TPI1: variants seen among roughly 807,000 people sequenced by gnomAD.
TPI1 encodes the protein triosephosphate isomerase.
Under a neutral mutation model 31.0 loss-of-function variants are expected in TPI1, and 11 were observed. The observed-to-expected ratio is 0.36, with a 90% CI of 0.22 to 0.59. The LOEUF is 0.59. Ranked by LOEUF, TPI1 falls within the 20% of genes least tolerant of loss-of-function variation. TPI1 has a pLI of 0.79. For missense variants in TPI1, 245 were observed against 319.7 expected, an observed-to-expected ratio of 0.77 and a Z score of 1.78; for synonymous variants, 121 against 122.8, an observed-to-expected ratio of 0.99 and a Z score of 0.10.
In TPI1 at chr12:6,869,303, G is replaced by A. The variant is rs782167291; in HGVS notation, c.370G>A (p.Val124Ile). ...VAHALAEGLGVIACIGEKLDE... is the reference protein window; with the variant it reads ...VAHALAEGLGIIACIGEKLDE... ...CCATGCTCTGGCAGAGGGACTCGGA[G>A]TAATCGCCTGCATTGGGGAGAAGCT... The change falls in exon 4 of 7, where the codon GTA (valine) becomes ATA (isoleucine). Residue 124 changes from valine to isoleucine, a missense_variant. Transcript: ENST00000396705. 7 of 1,614,086 alleles carry A rather than the reference G, an allele frequency of 4.3e-6. No individual in the cohort carries two copies. The East Asian group carries it at 1.6e-4, about 36-fold the overall frequency.
Position 6,869,355 on chromosome 12 carries a change from A to G in TPI1, c.422A>G (p.Glu141Gly). 3.1e-6 allele frequency: 5 copies of G among 1,614,114 alleles called. No individual in the cohort carries two copies. The highest frequency in any genetic ancestry group is 4.2e-6 in the Non-Finnish European group (5 of 1,180,008). ...GATGAAAGGGAAGCTGGCATCACTGAGAAGGTTGTTTTCGAGCAGACAAAG... is the reference window on the plus strand; with the variant it reads ...GATGAAAGGGAAGCTGGCATCACTGGGAAGGTTGTTTTCGAGCAGACAAAG... Reference protein sequence around the residue: ...KLDEREAGITEKVVFEQTKVI... With the variant: ...KLDEREAGITGKVVFEQTKVI... The change falls in exon 4 of 7, where the codon GAG (glutamate) becomes GGG (glycine). Residue 141 changes from glutamate to glycine, a missense_variant. Physicochemically the swap from Glu to Gly is moderately conservative, Grantham distance 98. Around this residue, in one of 3 missense-constraint regions of TPI1, gnomAD observed 127 missense variants for 163.7 expected, o/e 0.78. Coordinates refer to ENST00000396705, the MANE Select transcript of TPI1 (RefSeq NM_000365.6).
chr12:6,869,286 T>A lies in TPI1; in HGVS notation c.353T>A (p.Leu118Gln). ...ELIGQKVAHA[L>Q]AEGLGVIACI... Reference sequence around the variant, plus strand: ...ATTGGGCAGAAAGTGGCCCATGCTCTGGCAGAGGGACTCGGAGTAATCGCC... The same window carrying A: ...ATTGGGCAGAAAGTGGCCCATGCTCAGGCAGAGGGACTCGGAGTAATCGCC... Residue 118 changes from leucine (L) to glutamine (Q), a missense_variant, in exon 4 of 7, where the codon CTG becomes CAG. By Grantham distance (113) the Leu-to-Gln change is moderately radical. Transcript: ENST00000396705. The A allele has an allele frequency of 6.2e-7, 1 of 1,614,096 alleles. No individual in the cohort carries two copies. Among genetic ancestry groups the A allele is most frequent in the Non-Finnish European group, 8.5e-7 (1 of 1,179,938 alleles).
chr12:6,868,353 C>T (rs959764866), intron 1 of TPI1: 1 of 1,287,874 alleles, frequency 7.8e-7, no homozygotes, highest in Admixed American at 2.3e-5. Context: ...AAAGGATGCT[C>T]TCCTCCATCC....
chr12:6,869,206 A>G (rs782155888), intron 3 of TPI1, 23 bp downstream of exon 3: 5 of 1,614,144 alleles, frequency 3.1e-6, no homozygotes, highest in Non-Finnish European at 4.2e-6. Context: ...GAGAGAAGAT[A>G]AGGGATGTCT....
In TPI1 at chr12:6,867,563, C is replaced by T. The variant is rs782032967; in HGVS notation, c.-4C>T. The T allele has an allele frequency of 1.6e-5, 25 of 1,611,824 alleles. No individual in the cohort carries two copies. The highest frequency in any genetic ancestry group is 1.8e-5 in the Non-Finnish European group (21 of 1,179,452). On this transcript the variant is annotated 5_prime_UTR_variant, in exon 1 of 7. Transcript: ENST00000396705. The stretch of plus-strand genomic sequence containing the variant: ...CTGACCTTCAGCGCCTCGGCTCCAG[C>T]GCCATGGCGCCCTCCAGGAAGTTCT...
At chr12:6,869,948 T>C (rs1944549983) in intron 5 of TPI1, 101 bp from the exon 6 acceptor site, 3 of 1,462,294 alleles carry the variant, frequency 2.1e-6, no homozygotes, top group East Asian at 2.3e-5. Flanking sequence ...GCCCTGGTAC[T>C]CTGACTCAGT....
rs958568125 is a variant in TPI1, at chr12:6,867,575, C to T, written c.9C>T (p.Pro3=). ...GCCTCGGCTCCAGCGCCATGGCGCC[C>T]TCCAGGAAGTTCTTCGTTGGGGGAA... is the stretch of plus-strand genomic sequence containing the variant. MA[P]SRKFFVGGNW... Residue 3 remains proline (P), a synonymous_variant, in exon 1 of 7, where the codon CCC becomes CCT. Coordinates refer to ENST00000396705, the MANE Select transcript of TPI1 (RefSeq NM_000365.6). 1.3e-5 allele frequency: 21 copies of T among 1,612,532 alleles called. No individual in the cohort carries two copies. Among genetic ancestry groups the T allele is most frequent in the Non-Finnish European group, 1.8e-5 (21 of 1,179,682 alleles).
chr12:6,868,484 A>G, intron 1 of TPI1: 1 of 1,284,878 alleles, frequency 7.8e-7, no homozygotes, highest in Non-Finnish European at 1.0e-6. Flanking sequence ...TCCTTTTGCT[A>G]CAAATCCTTG....
At chr12:6,867,800 G>T in intron 1 of TPI1, 119 bp downstream of exon 1, 1 of 1,144,286 alleles carries the variant, frequency 8.7e-7, no homozygotes, top group Non-Finnish European at 1.2e-6. Flanking sequence ...ACCTGATGCA[G>T]GGCTGTGGGA....
In TPI1 at chr12:6,868,247, G is replaced by A. The variant is rs1323688696; in HGVS notation, c.115+566G>A. ...CGAGCCCGTGCCAAACAGGCTGAGC[G>A]ATTTGGGAGTGAGGAGCCATCCTAC... is the stretch of plus-strand genomic sequence containing the variant. On this transcript the variant is annotated intron_variant, in intron 1 of 6. Transcript: ENST00000396705. 26 of 1,287,568 alleles carry A rather than the reference G, an allele frequency of 2.0e-5. 1 individual carries two copies. The East Asian group carries it at 1.0e-3, about 49-fold the overall frequency. 79.8% of individuals were successfully genotyped at this position (1,287,568 alleles called of 1,614,324 possible).
rs138858865 is a variant in TPI1 at position 6,869,097 on chromosome 12, A to G, written c.240-2A>G. 1.2e-6 allele frequency: 2 copies of G among 1,614,060 alleles called. No individual in the cohort carries two copies. Among genetic ancestry groups the G allele is most frequent in the African/African-American group, 2.7e-5 (2 of 74,926 alleles). ...GAACCTTGGCTTCATCTCTTCCTTT[A>G]GCCCTGGCATGATCAAAGACTGCGG... On this transcript the variant is annotated splice_acceptor_variant, in intron 2 of 6. Coordinates refer to ENST00000396705, the MANE Select transcript of TPI1 (RefSeq NM_000365.6). LOFTEE classifies it high-confidence loss of function.
In TPI1 at chr12:6,870,569, C is replaced by T. The variant is rs782795395; in HGVS notation, c.*186C>T. The T allele has an allele frequency of 3.9e-6, 3 of 760,290 alleles. No individual in the cohort carries two copies. Among genetic ancestry groups the T allele is most frequent in the Admixed American group, 3.4e-5 (2 of 58,500 alleles). The allele number at this position is 760,290 out of a possible 1,614,324, so 47.1% of individuals were successfully genotyped here. The stretch of plus-strand genomic sequence containing the variant: ...TGTAATGGTTGGGACCAGGCCAATC[C>T]CTTCTCCACTTACTATAATGGTTGG... On this transcript the variant is annotated 3_prime_UTR_variant, in exon 7 of 7. Coordinates refer to ENST00000396705, the MANE Select transcript of TPI1 (RefSeq NM_000365.6).
intron 1 of TPI1, chr12:6,868,307 G>T: frequency 7.8e-7 from 1 of 1,287,624 alleles, no homozygotes; most frequent in African/African-American, 1.5e-5. Flanking sequence ...AAAGCGCAAG[G>T]CCTCTGAGTC....
At position 6,870,284 on chromosome 12, in the gene TPI1, C is replaced by G; in HGVS notation, c.651C>G (p.Thr217=). 6.2e-7 allele frequency: 1 copy of G among 1,614,200 alleles called. No individual in the cohort carries two copies. The highest frequency in any genetic ancestry group is 8.5e-7 in the Non-Finnish European group (1 of 1,180,030). ...IIYGGSVTGA[T]CKELASQPDV... is the part of the protein sequence containing the mutation. Reference sequence around the variant, plus strand: ...TCCCAGGCTCTGTGACTGGGGCAACCTGCAAGGAGCTGGCCAGCCAGCCTG... The same window carrying G: ...TCCCAGGCTCTGTGACTGGGGCAACGTGCAAGGAGCTGGCCAGCCAGCCTG... The change falls in exon 7 of 7, where the codon ACC becomes ACG. Residue 217 remains threonine, a synonymous_variant. Coordinates refer to ENST00000396705, the MANE Select transcript of TPI1 (RefSeq NM_000365.6).
rs1555131572 is a variant in TPI1, at chr12:6,867,669, C to T, written c.103C>T (p.Pro35Ser). 2 of 1,609,030 alleles carry T rather than the reference C, an allele frequency of 1.2e-6. No individual in the cohort carries two copies. Among genetic ancestry groups the T allele is most frequent in the African/African-American group, 2.7e-5 (2 of 74,398 alleles). Residue 35 changes from proline to serine, a missense_variant, in exon 1 of 7, where the codon CCG becomes TCG. Physicochemically the swap from Pro to Ser is moderately conservative, Grantham distance 74. Transcript: ENST00000396705. ...CGGCACTCTGAACGCGGCCAAGGTGCCGGCCGACACCGGTAAGCCCTCGCC... is the reference window on the plus strand; with the variant it reads ...CGGCACTCTGAACGCGGCCAAGGTGTCGGCCGACACCGGTAAGCCCTCGCC... ...LIGTLNAAKV[P>S]ADTEVVCAPP...
rs908563336 is a variant in TPI1 at position 6,867,715 on chromosome 12, C to T, written c.115+34C>T. The T allele has an allele frequency of 5.3e-6, 8 of 1,496,114 alleles. No homozygotes were observed. The African/African-American group carries it at 9.5e-5, about 18-fold the overall frequency. 92.7% of individuals were successfully genotyped at this position (1,496,114 alleles called of 1,614,324 possible). A position where few individuals can be genotyped will look rare whatever the true frequency, so the allele number is the denominator to read the frequency against. On this transcript the variant is annotated intron_variant, in intron 1 of 6. Coordinates refer to ENST00000396705, the MANE Select transcript of TPI1 (RefSeq NM_000365.6). Reference sequence around the variant, plus strand: ...TCGCCGAGGAGGGGTCTGGCCGGGCCGGGGCCGGGGCCGGGGCAGGAGTGG... The same window carrying T: ...TCGCCGAGGAGGGGTCTGGCCGGGCTGGGGCCGGGGCCGGGGCAGGAGTGG...
rs1236067731 is a variant in TPI1 at position 6,867,548 on chromosome 12, G to C, written c.-19G>C. 1 of 1,610,416 alleles carries C rather than the reference G, an allele frequency of 6.2e-7. No individual in the cohort carries two copies. Among genetic ancestry groups the C allele is most frequent in the African/African-American group, 1.3e-5 (1 of 74,824 alleles). Reference sequence around the variant, plus strand: ...GACTGCGCGCAGACACTGACCTTCAGCGCCTCGGCTCCAGCGCCATGGCGC... The same window carrying C: ...GACTGCGCGCAGACACTGACCTTCACCGCCTCGGCTCCAGCGCCATGGCGC... On this transcript the variant is annotated 5_prime_UTR_variant, in exon 1 of 7. Coordinates refer to ENST00000396705, the MANE Select transcript of TPI1 (RefSeq NM_000365.6).
rs782486049 is a variant in TPI1, at chr12:6,870,698, A to G, written c.*315A>G. ...CCCTAGTGAGGGCAGAAGAGAAACC[A>G]TCCTCTCCCTTCTTACACCGTGAGG... On this transcript the variant is annotated 3_prime_UTR_variant, in exon 7 of 7. Coordinates refer to ENST00000396705, the MANE Select transcript of TPI1 (RefSeq NM_000365.6). 1.7e-6 allele frequency: 1 copy of G among 584,654 alleles called. No individual in the cohort carries two copies. Among genetic ancestry groups the G allele is most frequent in the East Asian group, 4.1e-5 (1 of 24,156 alleles). The allele number at this position is 584,654 out of a possible 1,614,324, so 36.2% of individuals were successfully genotyped here.
At position 6,868,284 on chromosome 12, in the gene TPI1, A is replaced by G. The variant is rs1944504881; in HGVS notation, c.116-580A>G. ...AGGAGCCATCCTACCGCTTTCCCCA[A>G]CCTGGAAACAGCAAAGCGCAAGGCC... On this transcript the variant is annotated intron_variant, in intron 1 of 6. Coordinates refer to ENST00000396705, the MANE Select transcript of TPI1 (RefSeq NM_000365.6). 3 of 1,287,496 alleles carry G rather than the reference A, an allele frequency of 2.3e-6. No individual in the cohort carries two copies. The South Asian group carries it at 3.7e-5, about 16-fold the overall frequency. The allele number at this position is 1,287,496 out of a possible 1,614,324, so 79.8% of individuals were successfully genotyped here. A position where few individuals can be genotyped will look rare whatever the true frequency, so the allele number is the denominator to read the frequency against.
Sources: allele counts gnomAD v4.1 joint callset, GRCh38; gene constraint gnomAD v4.1.1; regional missense constraint gnomAD v4.1.1; transcripts MANE v1.5; gene names NCBI Gene and HGNC (gene_info 2026-07-23, HGNC 2026-07-21).